NRCAM: variants seen among roughly 807,000 people sequenced by gnomAD.
The protein encoded by NRCAM is neuronal cell adhesion molecule.
NRCAM carries 83 observed loss-of-function variants against 156.5 expected under a neutral mutation model. The observed-to-expected ratio is 0.53, with a 90% CI of 0.44 to 0.64. NRCAM has a LOEUF of 0.64. Ranked by LOEUF, NRCAM falls within the 30% of genes least tolerant of loss-of-function variation. The pLI, the probability that NRCAM is intolerant of heterozygous loss-of-function variation, is 0.00. For synonymous variants in NRCAM, 538 were observed against 563.9 expected (o/e 0.95, Z 0.65); for missense variants, 1,417 against 1,597.3 (o/e 0.89, Z 1.92).
chr7:108,250,425 CAAAAAAA>C (rs34274206), intron 3 of NRCAM, among the ~76,000 whole-genome samples: 6 of 67,388 alleles, frequency 8.9e-5, no homozygotes, highest in Admixed American at 2.2e-4. Context: ...CATCTTACCT[CAAAAAAA>C]AAAAAAAAAA....
intron 3 of NRCAM, among the ~76,000 whole-genome samples, chr7:108,243,708 T>A (rs1321159291): frequency 6.6e-6 from 1 of 152,116 alleles, no homozygotes; most frequent in East Asian, 1.9e-4. Flanking sequence ...GAAAAATAGA[T>A]CACCCTATTT....
chr7:108,401,357 A>G (rs2154396220), intron 1 of NRCAM, among the ~76,000 whole-genome samples: 1 of 152,218 alleles, frequency 6.6e-6, no homozygotes, highest in South Asian at 2.1e-4. Flanking sequence ...TCTTGGCAAC[A>G]TGAAGAAACT....
rs1403038682 is a variant in NRCAM at position 108,456,422 on chromosome 7, T to G, written c.-511A>C. On this transcript the variant is annotated 5_prime_UTR_variant, in exon 1 of 33. Coordinates refer to ENST00000379028, the MANE Select transcript of NRCAM (RefSeq NM_001037132.4). ...TGCGGCGCGCGTCCGCCAGCGACCC[T>G]GGCGAAGCGAGGCTGGCCCCGCGCC... is the stretch of plus-strand genomic sequence containing the variant. 2 of 149,714 alleles carry G rather than the reference T, an allele frequency of 1.3e-5. No homozygotes were observed. Among genetic ancestry groups the G allele is most frequent in the Non-Finnish European group, 3.0e-5 (2 of 67,294 alleles). 9.3% of individuals were successfully genotyped at this position (149,714 alleles called of 1,614,324 possible).
At chr7:108,444,065 T>C (rs1841803394) in intron 1 of NRCAM, among the ~76,000 whole-genome samples, 1 of 152,114 alleles carries the variant, frequency 6.6e-6, no homozygotes. Context: ...ATGGAAAATA[T>C]CCTTAAATAA....
intron 3 of NRCAM, among the ~76,000 whole-genome samples, chr7:108,272,127 G>A (rs2097376362): frequency 1.3e-5 from 2 of 152,128 alleles, no homozygotes; most frequent in Admixed American, 6.5e-5. Flanking sequence ...TAACATATCT[G>A]GATCTAAAAT....
At chr7:108,447,258 T>C (rs1845383936) in intron 1 of NRCAM, among the ~76,000 whole-genome samples, 1 of 133,708 alleles carries the variant, frequency 7.5e-6, no homozygotes, top group East Asian at 2.3e-4. Flanking sequence ...TTCACTTCTT[T>C]CTTTTTTTTT....
chr7:108,203,308 C>T (rs1341523905), intron 13 of NRCAM, among the ~76,000 whole-genome samples: 1 of 152,072 alleles, frequency 6.6e-6, no homozygotes, highest in Non-Finnish European at 1.5e-5. Context: ...TGGGAAATTT[C>T]CACATTTATT....
chr7:108,168,386 G>A lies in NRCAM; in HGVS notation c.3204C>T (p.Pro1068=). Residue 1068 remains proline (P), a synonymous_variant, in exon 29 of 33, where the codon CCC becomes CCT. Transcript: ENST00000379028. ...VGAGKVQAVN[P]RISNLTAAAA... ...CTGCAGCAGTAAGATTGCTGATCCTGGGATTTACTGCTTGAACTAAACATA... is the reference window on the plus strand; with the variant it reads ...CTGCAGCAGTAAGATTGCTGATCCTAGGATTTACTGCTTGAACTAAACATA... 1 of 1,603,194 alleles carries A rather than the reference G, an allele frequency of 6.2e-7. No individual in the cohort carries two copies. The highest frequency in any genetic ancestry group is 1.7e-5 in the Admixed American group (1 of 57,952).
intron 2 of NRCAM, among the ~76,000 whole-genome samples, chr7:108,356,869 G>C (rs992604264): frequency 6.6e-6 from 1 of 150,744 alleles, no homozygotes; most frequent in Non-Finnish European, 1.5e-5. Flanking sequence ...TGATGGTTGA[G>C]GTGGGCCCAA....
chr7:108,314,282 C>T (rs1592951270), intron 2 of NRCAM, among the ~76,000 whole-genome samples: 1 of 152,148 alleles, frequency 6.6e-6, no homozygotes, highest in Non-Finnish European at 1.5e-5. Context: ...CTTTTTGTTA[C>T]ATTCATTACT....
intron 25 of NRCAM, chr7:108,178,380 A>G (rs2061782377): frequency 2.2e-6 from 1 of 460,940 alleles, no homozygotes; most frequent in Non-Finnish European, 4.1e-6. Flanking sequence ...CTCAAACCTA[A>G]TATTTTAAAA....
intron 3 of NRCAM, among the ~76,000 whole-genome samples, chr7:108,245,395 C>T (rs548429856): frequency 4.6e-5 from 7 of 152,316 alleles, no homozygotes; most frequent in Non-Finnish European, 1.5e-5. Flanking sequence ...TTGCCCATGG[C>T]ACAACTTTAG....
At chr7:108,354,237 C>CAAAA (rs2099460525) in intron 2 of NRCAM, among the ~76,000 whole-genome samples, 2 of 152,156 alleles carry the variant, frequency 1.3e-5, no homozygotes, top group Admixed American at 1.3e-4. Context: ...AAGCAATTCA[C>CAAAA]CATACAAAAG....
chr7:108,253,789 T>C (rs908134126), intron 3 of NRCAM, among the ~76,000 whole-genome samples: 1 of 151,800 alleles, frequency 6.6e-6, no homozygotes, highest in African/African-American at 2.4e-5. Context: ...AGACTGGGAG[T>C]GGTCAGAGAG....
chr7:108,432,426 C>T (rs761103210), intron 1 of NRCAM, among the ~76,000 whole-genome samples: 3 of 152,322 alleles, frequency 2.0e-5, no homozygotes, highest in Non-Finnish European at 4.4e-5. Context: ...TAAGCATAAG[C>T]ATCTTTGCTC....
At position 108,182,734 on chromosome 7, in the gene NRCAM, G is replaced by T. The variant is rs775210231; in HGVS notation, c.2491C>A (p.Pro831Thr). ...VQALNDMGFA[P>T]EPAVVMGHSG... The stretch of plus-strand genomic sequence containing the variant: ...TGTCCCATGACTACAGCTGGCTCGG[G>T]GGCAAACCCCATGTCATTCAGGGCC... Residue 831 changes from proline (P) to threonine (T), a missense_variant, in exon 23 of 33, where the codon CCC becomes ACC. Transcript: ENST00000379028. 53 of 1,614,056 alleles carry T rather than the reference G, an allele frequency of 3.3e-5. No homozygotes were observed. Among genetic ancestry groups the T allele is most frequent in the Non-Finnish European group, 4.0e-5 (47 of 1,180,052 alleles).
intron 15 of NRCAM, among the ~76,000 whole-genome samples, 200 bp from the exon 16 acceptor site, chr7:108,194,628 C>T (rs531095488): frequency 3.9e-5 from 6 of 152,218 alleles, no homozygotes; most frequent in East Asian, 1.9e-4. Context: ...AGAAGTGAAA[C>T]GGATGAAACA....
At chr7:108,386,697 TTA>T (rs1190222833) in intron 2 of NRCAM, among the ~76,000 whole-genome samples, 3 of 152,188 alleles carry the variant, frequency 2.0e-5, no homozygotes, top group Non-Finnish European at 4.4e-5. Context: ...AGACCTGTTG[TTA>T]TATGTTCAGA....
intron 3 of NRCAM, among the ~76,000 whole-genome samples, chr7:108,292,823 T>C (rs1397092248): frequency 1.3e-5 from 2 of 152,134 alleles, no homozygotes; most frequent in East Asian, 3.9e-4. Flanking sequence ...AAATTAGCTG[T>C]TGTTATTTTA....
Sources: gnomAD v4.1 joint callset for allele counts (sites outside exome capture counted in the v4.1 genomes callset) on GRCh38, gnomAD v4.1.1 for gene constraint, MANE v1.5 for transcripts, NCBI Gene and HGNC (gene_info 2026-07-23, HGNC 2026-07-21) for gene names.